ANK2: variants seen among roughly 807,000 people sequenced by gnomAD.
ANK2 encodes ankyrin-2.
In ANK2, 83 loss-of-function variants were observed where a neutral mutation model predicts 360.5. The ratio of observed to expected loss-of-function variants is 0.23; its 90% CI spans 0.19 to 0.28. The LOEUF (loss-of-function observed/expected upper bound fraction) is 0.28, where lower values mean the gene tolerates loss of function less well. Ranked by LOEUF, ANK2 falls within the 10% of genes least tolerant of loss-of-function variation. The pLI, the probability that ANK2 is intolerant of heterozygous loss-of-function variation, is 1.00. For synonymous variants in ANK2, 1,740 were observed against 1,759.5 expected (o/e 0.99, Z 0.28); for missense variants, 4,201 against 4,795.7 (o/e 0.88, Z 3.66).
intron 15 of ANK2, 94 bp from the exon 16 acceptor site, chr4:113,277,743 C>A (rs2060747096): frequency 1.1e-6 from 1 of 931,430 alleles, no homozygotes; most frequent in Non-Finnish European, 1.7e-6. Context: ...AATGAAGAAT[C>A]AGTATACTTT....
At chr4:112,866,821 A>G (rs2070742562) in intron 1 of ANK2, among the ~76,000 whole-genome samples, 1 of 152,050 alleles carries the variant, frequency 6.6e-6, no homozygotes, top group African/African-American at 2.4e-5. Flanking sequence ...TTCTCTCATA[A>G]TTCCGCATTG....
the ANK2 span, among the ~76,000 whole-genome samples, chr4:112,714,275 T>C: frequency 1.3e-5 from 2 of 152,166 alleles, no homozygotes; most frequent in Non-Finnish European, 2.9e-5. Context: ...CTCCACCTCC[T>C]GGGCTCAAGC....
Position 113,174,509 on chromosome 4 carries a change from T to C in ANK2, c.178T>C (p.Cys60Arg). The change falls in exon 2 of 46, where the codon TGC becomes CGC. Residue 60 changes from cysteine to arginine, a missense_variant. This residue lies in a region of ANK2 where 169 missense variants were observed against 191.1 expected (regional missense o/e 0.88). Coordinates refer to ENST00000357077, the MANE Select transcript of ANK2 (RefSeq NM_001148.6). ...YLKGGIDINT[C>R]NQNGLNALHL... ...GAAGGGGGGCATAGACATCAATACC[T>C]GCAATCAGGTAAGAACATGGCAGCT... is the stretch of plus-strand genomic sequence containing the variant. The C allele has an allele frequency of 6.2e-7, 1 of 1,608,832 alleles. No homozygotes were observed. The highest frequency in any genetic ancestry group is 1.7e-4 in the Middle Eastern group (1 of 6,050).
intron 1 of ANK2, chr4:113,117,548 C>T (rs2094940474): frequency 2.7e-6 from 1 of 365,824 alleles, no homozygotes; most frequent in Admixed American, 3.3e-5. Flanking sequence ...AGTTTGCAGC[C>T]TAGAGCTCAT....
At chr4:113,136,456 A>G (rs564540686) in intron 1 of ANK2, among the ~76,000 whole-genome samples, 1 of 152,282 alleles carries the variant, frequency 6.6e-6, no homozygotes, top group Non-Finnish European at 1.5e-5. Flanking sequence ...AGCACTTGGG[A>G]GGAATGCTTG....
intron 2 of ANK2, among the ~76,000 whole-genome samples, chr4:113,181,260 G>A (rs1054246193): frequency 5.3e-5 from 8 of 152,086 alleles, no homozygotes; most frequent in South Asian, 2.1e-4. Context: ...GGTTTAGATC[G>A]GAACAGAACA....
At position 113,162,040 on chromosome 4, in the gene ANK2, G is replaced by A. The variant is rs117396551; in HGVS notation, c.85-12376G>A. 2.6e-4 allele frequency among the ~76,000 whole-genome samples: 39 copies of A among 152,062 alleles called. No homozygotes were observed. The East Asian group carries it at 2.7e-3, about 11-fold the overall frequency. ...AGTGACAGCACTTCAAGTTCAATCCGGTCAAAACCAAACTGTGTTCTTCTC... is the reference window on the plus strand; with the variant it reads ...AGTGACAGCACTTCAAGTTCAATCCAGTCAAAACCAAACTGTGTTCTTCTC... On this transcript the variant is annotated intron_variant, in intron 1 of 45. Transcript: ENST00000357077.
At chr4:112,901,401 T>C (rs2083301404) in intron 1 of ANK2, among the ~76,000 whole-genome samples, 1 of 152,206 alleles carries the variant, frequency 6.6e-6, no homozygotes, top group African/African-American at 2.4e-5. Context: ...AAAAAAATAC[T>C]AGGTTAAAAT....
At chr4:112,850,921 T>A (rs1220376360) in intron 1 of ANK2, among the ~76,000 whole-genome samples, 4 of 152,136 alleles carry the variant, frequency 2.6e-5, no homozygotes, top group African/African-American at 9.7e-5. Flanking sequence ...ACATTCACCC[T>A]TAAAAAATTT....
At chr4:113,339,415 G>A in intron 32 of ANK2, 93 bp downstream of exon 32, 3 of 1,047,002 alleles carry the variant, frequency 2.9e-6, no homozygotes, top group Non-Finnish European at 4.4e-6. Flanking sequence ...TTGTTTAAAA[G>A]TTATTTTTTC....
At chr4:112,982,028 C>A (rs1221079337) in intron 2 of ANK2, among the ~76,000 whole-genome samples, 1 of 152,032 alleles carries the variant, frequency 6.6e-6, no homozygotes, top group African/African-American at 2.4e-5. Flanking sequence ...AGCAGTGACC[C>A]TTCCCTTAAT....
intron 1 of ANK2, among the ~76,000 whole-genome samples, chr4:112,872,120 G>A (rs896437150): frequency 6.6e-5 from 10 of 151,028 alleles, no homozygotes; most frequent in Non-Finnish European, 8.8e-5. Flanking sequence ...TTGACCTCCC[G>A]GGCTCAAGGG....
At chr4:113,349,934 A>G (rs1049902776) in intron 36 of ANK2, among the ~76,000 whole-genome samples, 3 of 152,096 alleles carry the variant, frequency 2.0e-5, no homozygotes, top group African/African-American at 7.2e-5. Context: ...TTTCTGATGT[A>G]TTCCCTAAAT....
intron 1 of ANK2, among the ~76,000 whole-genome samples, chr4:113,086,205 CTT>C (rs2084662622): frequency 6.6e-6 from 1 of 152,194 alleles, no homozygotes; most frequent in African/African-American, 2.4e-5. Context: ...ACTGACTACA[CTT>C]TGCCTGCCTT....
At chr4:112,828,679 G>A (rs1351778992) in intron 1 of ANK2, among the ~76,000 whole-genome samples, 1 of 152,168 alleles carries the variant, frequency 6.6e-6, no homozygotes, top group East Asian at 1.9e-4. Context: ...TGACAAATGG[G>A]ACCTAATTAA....
At chr4:113,019,310 A>G (rs6821639) in intron 2 of ANK2, among the ~76,000 whole-genome samples, 118,261 of 152,168 alleles carry the variant, frequency 0.78, 46,051 homozygotes, top group South Asian at 0.87. Flanking sequence ...ATAGAATTAT[A>G]AGCATAACTT....
intron 1 of ANK2, among the ~76,000 whole-genome samples, chr4:113,173,745 A>G (rs2098084611): frequency 6.6e-6 from 1 of 152,142 alleles, no homozygotes; most frequent in South Asian, 2.1e-4. Flanking sequence ...CATCTTTACC[A>G]AAAGATTTTA....
the ANK2 span, among the ~76,000 whole-genome samples, chr4:112,776,030 G>T: frequency 6.6e-6 from 1 of 152,110 alleles, no homozygotes. Context: ...TAACTACTAC[G>T]TTCTGAGAAG....
intron 2 of ANK2, among the ~76,000 whole-genome samples, chr4:112,998,775 A>G (rs1370188157): frequency 1.3e-5 from 2 of 152,218 alleles, no homozygotes; most frequent in Non-Finnish European, 2.9e-5. Context: ...AAATAAGCAT[A>G]TAGTACACAG....
Sources: gnomAD v4.1 joint callset for allele counts (sites outside exome capture counted in the v4.1 genomes callset) on GRCh38, gnomAD v4.1.1 for gene constraint, gnomAD v4.1.1 regional missense constraint, MANE v1.5 for transcripts, NCBI Gene and HGNC (gene_info 2026-07-23, HGNC 2026-07-21) for gene names.